CDH13: variants seen among roughly 807,000 people sequenced by gnomAD.
The protein encoded by CDH13 is cadherin-13.
Under a neutral mutation model 63.8 loss-of-function variants are expected in CDH13, and 24 were observed. The ratio of observed to expected loss-of-function variants is 0.38; its 90% confidence interval spans 0.27 to 0.53. CDH13 has a LOEUF of 0.53. Among genes scored for constraint, CDH13 ranks in the 20% least tolerant of loss-of-function variants. The pLI is 0.85. For synonymous variants in CDH13, 503 were observed against 355.3 expected, an observed-to-expected ratio of 1.42 and a Z score of -4.67; for missense variants, 1,049 against 903.1, an observed-to-expected ratio of 1.16 and a Z score of -2.07.
At chr16:82,847,510 C>G (rs149337493) in intron 1 of CDH13, among the ~76,000 whole-genome samples, 11 of 152,322 alleles carry the variant, frequency 7.2e-5, no homozygotes, top group Non-Finnish European at 1.5e-4. Context: ...ATCATCACAT[C>G]TCTTTCTCTT....
At chr16:83,657,503 G>T (rs1157885732) in intron 8 of CDH13, among the ~76,000 whole-genome samples, 1 of 152,148 alleles carries the variant, frequency 6.6e-6, no homozygotes, top group African/African-American at 2.4e-5. Flanking sequence ...CTATGCTCAG[G>T]ATGACAGCCA....
At chr16:83,607,199 C>A (rs1908426509) in intron 8 of CDH13, among the ~76,000 whole-genome samples, 1 of 152,080 alleles carries the variant, frequency 6.6e-6, no homozygotes, top group African/African-American at 2.4e-5. Flanking sequence ...GGGTGGATCC[C>A]CTGAGGTCAG....
At chr16:83,275,478 C>A (rs1266883980) in intron 5 of CDH13, among the ~76,000 whole-genome samples, 1 of 152,168 alleles carries the variant, frequency 6.6e-6, no homozygotes, top group Non-Finnish European at 1.5e-5. Flanking sequence ...AGTGCTCATG[C>A]AGGCTTCTTA....
At chr16:83,121,044 G>A (rs1250392830) in intron 3 of CDH13, among the ~76,000 whole-genome samples, 1 of 152,156 alleles carries the variant, frequency 6.6e-6, no homozygotes, top group African/African-American at 2.4e-5. Context: ...TTACAGGCGT[G>A]ATCCGCTGCG....
intron 1 of CDH13, among the ~76,000 whole-genome samples, chr16:82,737,257 C>G (rs967765785): frequency 4.6e-5 from 7 of 152,196 alleles, no homozygotes; most frequent in Non-Finnish European, 1.0e-4. Context: ...CTTGGTCATC[C>G]AGGTGGAGAC....
chr16:83,148,055 A>C (rs530509205), intron 4 of CDH13, among the ~76,000 whole-genome samples: 71 of 152,332 alleles, frequency 4.7e-4, no homozygotes, highest in Non-Finnish European at 8.7e-4. Flanking sequence ...CTCCTGCCTC[A>C]GCCTCCTGAG....
At chr16:83,150,276 A>G (rs2036920526) in intron 4 of CDH13, among the ~76,000 whole-genome samples, 1 of 152,218 alleles carries the variant, frequency 6.6e-6, no homozygotes, top group Non-Finnish European at 1.5e-5. Flanking sequence ...GAAGAAAAGT[A>G]ATAATAATGA....
intron 6 of CDH13, among the ~76,000 whole-genome samples, chr16:83,457,933 C>T (rs1376212697): frequency 6.6e-6 from 1 of 152,186 alleles, no homozygotes; most frequent in Non-Finnish European, 1.5e-5. Context: ...TCTGAGAACC[C>T]TCATCGGACA....
chr16:83,147,757 C>T (rs979310851), intron 4 of CDH13, among the ~76,000 whole-genome samples: 1 of 152,128 alleles, frequency 6.6e-6, no homozygotes, highest in African/African-American at 2.4e-5. Flanking sequence ...TGTTTGTCCA[C>T]CTGAGTATCT....
chr16:83,259,898 G>C (rs1906754498), intron 5 of CDH13, among the ~76,000 whole-genome samples: 1 of 152,054 alleles, frequency 6.6e-6, no homozygotes, highest in Non-Finnish European at 1.5e-5. Flanking sequence ...AATCATGGGA[G>C]AAATTCAGAT....
At chr16:83,209,975 G>A (rs1012302906) in intron 4 of CDH13, among the ~76,000 whole-genome samples, 5 of 152,230 alleles carry the variant, frequency 3.3e-5, no homozygotes, top group African/African-American at 9.6e-5. Context: ...TTGTGGCTTC[G>A]GACTGGAGAA....
intron 6 of CDH13, among the ~76,000 whole-genome samples, chr16:83,346,192 T>G (rs1482347692): frequency 6.6e-6 from 1 of 152,010 alleles, no homozygotes; most frequent in East Asian, 1.9e-4. Context: ...AGGGGAGTGT[T>G]GGAGGCAGAT....
At chr16:83,439,582 C>T (rs1042460200) in intron 6 of CDH13, among the ~76,000 whole-genome samples, 5 of 152,168 alleles carry the variant, frequency 3.3e-5, no homozygotes, top group Admixed American at 6.5e-5. Context: ...AGGCTACAGC[C>T]GTAATTGGCA....
intron 3 of CDH13, among the ~76,000 whole-genome samples, chr16:83,078,001 C>T (rs1271453936): frequency 6.6e-6 from 1 of 152,060 alleles, no homozygotes; most frequent in Non-Finnish European, 1.5e-5. Flanking sequence ...CTTAAAGGAA[C>T]ATTTTGTTCG....
chr16:82,678,098 C>A (rs969132950), intron 1 of CDH13, among the ~76,000 whole-genome samples: 6 of 152,088 alleles, frequency 3.9e-5, no homozygotes, highest in Non-Finnish European at 8.8e-5. Flanking sequence ...ACACTGGCCT[C>A]CCAAGTCCCC....
At chr16:82,944,175 C>G (rs960688762) in intron 2 of CDH13, among the ~76,000 whole-genome samples, 1 of 152,176 alleles carries the variant, frequency 6.6e-6, no homozygotes, top group South Asian at 2.1e-4. Context: ...GCAAACCACA[C>G]CTTTCTTTGT....
chr16:83,231,226 T>G (rs374845925), intron 5 of CDH13, among the ~76,000 whole-genome samples: 5 of 152,210 alleles, frequency 3.3e-5, no homozygotes, highest in African/African-American at 1.2e-4. Flanking sequence ...GAATTCAGTT[T>G]AACTGTGTAG....
intron 3 of CDH13, among the ~76,000 whole-genome samples, chr16:83,082,622 C>T (rs1012945474): frequency 1.3e-5 from 2 of 152,004 alleles, no homozygotes; most frequent in African/African-American, 4.8e-5. Context: ...CCAGCCTGGG[C>T]AACAAGACAA....
intron 5 of CDH13, among the ~76,000 whole-genome samples, chr16:83,268,922 A>C (rs2088707570): frequency 1.4e-4 from 3 of 22,184 alleles, no homozygotes; most frequent in African/African-American, 3.6e-4. Context: ...AAACTCTGCC[A>C]CAAGCCAAAG....
Sources: gnomAD v4.1 joint callset for allele counts (sites outside exome capture counted in the v4.1 genomes callset) on GRCh38, gnomAD v4.1.1 for gene constraint, MANE v1.5 for transcripts, NCBI Gene and HGNC (gene_info 2026-07-23, HGNC 2026-07-21) for gene names.